GLI2: variants seen among roughly 807,000 people sequenced by gnomAD.
The protein encoded by GLI2 is GLI family zinc finger 2.
GLI2 carries 22 observed loss-of-function variants against 78.9 expected under a neutral mutation model. That is an observed-to-expected ratio of 0.28 (90% confidence interval 0.20 to 0.40). GLI2 has a LOEUF of 0.40. Ranked by LOEUF, GLI2 falls within the 10% of genes least tolerant of loss-of-function variation. The probability of loss-of-function intolerance (pLI) is 1.00; values close to 1 mark genes in which losing one functional copy is unlikely to be tolerated. For missense variants in GLI2, 2,097 were observed against 2,213.2 expected (o/e 0.95, Z 1.05); for synonymous variants, 974 against 963.7 (o/e 1.01, Z -0.20).
At chr2:120,831,829 A>G (rs1686374132) in intron 2 of GLI2, among the ~76,000 whole-genome samples, 1 of 152,180 alleles carries the variant, frequency 6.6e-6, no homozygotes, top group South Asian at 2.1e-4. Flanking sequence ...GGATTCAGTG[A>G]GGTCATGCTC....
chr2:120,875,768 G>T (rs984267934), intron 2 of GLI2, among the ~76,000 whole-genome samples: 1 of 151,792 alleles, frequency 6.6e-6, no homozygotes, highest in Non-Finnish European at 1.5e-5. Context: ...GCAACAAAAC[G>T]CCAAAGAGCC....
Position 120,797,462 on chromosome 2 carries a change from C to T in GLI2, c.142C>T (p.Gln48Ter), listed in dbSNP as rs755515251. 5.6e-6 allele frequency: 9 copies of T among 1,613,482 alleles called. No individual in the cohort carries two copies. The highest frequency in any genetic ancestry group is 7.6e-6 in the Non-Finnish European group (9 of 1,179,514). Residue 48 changes from glutamine (Q) to a stop codon, truncating the protein, a stop_gained, in exon 2 of 14, where the codon CAA (glutamine) becomes TAA (stop). Coordinates refer to ENST00000361492, the MANE Select transcript of GLI2 (RefSeq NM_001374353.1). LOFTEE classifies it high-confidence loss of function. Reference protein sequence around the residue: ...AAAAAAAVAAQGVPQHLLPPF... With the variant: ...AAAAAAAVAA ...AGCGGCAGCAGCAGCGGTAGCTGCC[C>T]AAGGAGGTACTTTCTGTTTCGCACA... is the stretch of plus-strand genomic sequence containing the variant.
chr2:120,756,992 T>G (rs1683050590), intron 1 of GLI2, among the ~76,000 whole-genome samples: 1 of 152,192 alleles, frequency 6.6e-6, no homozygotes, highest in African/African-American at 2.4e-5. Context: ...TTTCTTCAAG[T>G]TTACAGATCT....
chr2:120,883,783 C>T (rs558790787), intron 2 of GLI2, among the ~76,000 whole-genome samples: 4 of 152,276 alleles, frequency 2.6e-5, no homozygotes, highest in African/African-American at 9.6e-5. Flanking sequence ...GGGATACTTG[C>T]AATGATAGGT....
intron 2 of GLI2, among the ~76,000 whole-genome samples, chr2:120,874,183 G>T (rs534529455): frequency 6.6e-6 from 1 of 152,256 alleles, no homozygotes; most frequent in South Asian, 2.1e-4. Flanking sequence ...AACAGAGCCC[G>T]GTCTGTGCGG....
At chr2:120,803,358 T>C (rs1258881227) in intron 2 of GLI2, among the ~76,000 whole-genome samples, 2 of 108,656 alleles carry the variant, frequency 1.8e-5, no homozygotes, top group Admixed American at 1.9e-4. Context: ...TCGAAAAGTG[T>C]TGGGCACAGA....
intron 1 of GLI2, among the ~76,000 whole-genome samples, chr2:120,755,287 A>G (rs943343163): frequency 5.3e-5 from 8 of 152,228 alleles, no homozygotes; most frequent in Admixed American, 5.2e-4. Context: ...TTTGAATTTT[A>G]GCCACTTTTA....
At chr2:120,974,005 G>A (rs550002396) in intron 8 of GLI2, among the ~76,000 whole-genome samples, 8 of 152,290 alleles carry the variant, frequency 5.3e-5, no homozygotes, top group Admixed American at 2.6e-4. Flanking sequence ...AGTATGGGGC[G>A]AGGTCCTTCA....
At chr2:120,933,876 GCCCT>G (rs1558894152) in intron 3 of GLI2, among the ~76,000 whole-genome samples, 1 of 144,686 alleles carries the variant, frequency 6.9e-6, no homozygotes, top group Non-Finnish European at 1.5e-5. Context: ...GCCCTGCCCT[GCCCT>G]GCCCTGCCCT....
intron 2 of GLI2, among the ~76,000 whole-genome samples, chr2:120,909,857 T>C (rs1302588500): frequency 6.6e-6 from 1 of 152,246 alleles, no homozygotes; most frequent in Non-Finnish European, 1.5e-5. Flanking sequence ...AGAGTGAGAC[T>C]CCGTCTCAAA....
chr2:120,904,870 C>T (rs1268764912), intron 2 of GLI2, among the ~76,000 whole-genome samples: 2 of 152,178 alleles, frequency 1.3e-5, no homozygotes, highest in Admixed American at 6.5e-5. Context: ...CCCTGTGCTT[C>T]GGCCTCTGGC....
chr2:120,842,659 AC>A (rs1348470362), intron 2 of GLI2, among the ~76,000 whole-genome samples: 2 of 152,238 alleles, frequency 1.3e-5, no homozygotes, highest in East Asian at 1.9e-4. Flanking sequence ...AGGCTGCCCC[AC>A]ATGGCGTGGG....
chr2:120,785,279 G>A (rs1415563947), intron 1 of GLI2, among the ~76,000 whole-genome samples: 5 of 152,294 alleles, frequency 3.3e-5, no homozygotes, highest in South Asian at 2.1e-4. Context: ...GGCTTAGCAC[G>A]TGAGCTACCT....
chr2:120,900,373 T>C (rs1678194000), intron 2 of GLI2, among the ~76,000 whole-genome samples: 1 of 152,222 alleles, frequency 6.6e-6, no homozygotes, highest in Non-Finnish European at 1.5e-5. Context: ...GTCTTCATTT[T>C]AAACACACAC....
Position 120,929,171 on chromosome 2 carries a change from A to G in GLI2, c.254+1705A>G, listed in dbSNP as rs1573619302. On this transcript the variant is annotated intron_variant, in intron 3 of 13. Transcript: ENST00000361492. ...ACATTCGGATCATGCGTTTTGGGGAATAATACTATAAAAGTGATGTTTGTC... is the reference window on the plus strand; with the variant it reads ...ACATTCGGATCATGCGTTTTGGGGAGTAATACTATAAAAGTGATGTTTGTC... Among the ~76,000 whole-genome samples, 4 of 152,286 alleles carry G rather than the reference A, an allele frequency of 2.6e-5. No homozygotes were observed. In the South Asian group the frequency reaches 8.3e-4, roughly 32 times the overall value.
At chr2:120,867,795 G>T (rs980404990) in intron 2 of GLI2, among the ~76,000 whole-genome samples, 2 of 152,116 alleles carry the variant, frequency 1.3e-5, no homozygotes, top group African/African-American at 2.4e-5. Flanking sequence ...GGCCTCAGGC[G>T]GGGGGAGCTG....
At chr2:120,889,273 A>G (rs1677566025) in intron 2 of GLI2, among the ~76,000 whole-genome samples, 1 of 152,188 alleles carries the variant, frequency 6.6e-6, no homozygotes, top group Admixed American at 6.5e-5. Flanking sequence ...TTTCCTGTCA[A>G]CTCATACCCC....
At chr2:120,948,781 C>T (rs1000249079) in intron 3 of GLI2, among the ~76,000 whole-genome samples, 5 of 152,150 alleles carry the variant, frequency 3.3e-5, no homozygotes, top group Admixed American at 3.3e-4. Flanking sequence ...CTGGCATTCC[C>T]GGGACCTGAA....
At chr2:120,811,390 A>G (rs975781827) in intron 2 of GLI2, among the ~76,000 whole-genome samples, 6 of 152,162 alleles carry the variant, frequency 3.9e-5, no homozygotes, top group East Asian at 1.9e-4. Context: ...TGAGCTCCCC[A>G]TAAGGGTACA....
Sources: allele counts gnomAD v4.1 joint callset (sites outside exome capture counted in the v4.1 genomes callset), GRCh38; gene constraint gnomAD v4.1.1; transcripts MANE v1.5; gene names NCBI Gene and HGNC (gene_info 2026-07-23, HGNC 2026-07-21).